The following MRTFA variants were observed in gnomAD, a reference collection of about 807,000 sequenced individuals.
MRTFA encodes myocardin-related transcription factor A.
Under a neutral mutation model 83.5 loss-of-function variants are expected in MRTFA, and 20 were observed. That is an observed-to-expected ratio of 0.24 (90% CI 0.17 to 0.35). The LOEUF (loss-of-function observed/expected upper bound fraction) is 0.35, where lower values mean the gene tolerates loss of function less well. Ranked by LOEUF, MRTFA falls within the 10% of genes least tolerant of loss-of-function variation. MRTFA has a pLI of 1.00. For missense variants in MRTFA, 1,200 were observed against 1,224.7 expected, an observed-to-expected ratio of 0.98 and a Z score of 0.30; for synonymous variants, 659 against 541.2, an observed-to-expected ratio of 1.22 and a Z score of -3.02.
intron 3 of MRTFA, among the ~76,000 whole-genome samples, chr22:40,474,316 T>C (rs1049718929): frequency 6.6e-6 from 1 of 152,226 alleles, no homozygotes; most frequent in African/African-American, 2.4e-5. Flanking sequence ...GAGAGAGCCC[T>C]GAACTCTCCA....
intron 3 of MRTFA, among the ~76,000 whole-genome samples, chr22:40,493,007 G>A (rs1188775561): frequency 6.6e-6 from 1 of 152,142 alleles, no homozygotes; most frequent in African/African-American, 2.4e-5. Flanking sequence ...TAATATATTG[G>A]CACAATAGTG....
Position 40,429,599 on chromosome 22 carries a change from T to A in MRTFA, c.601+7A>T. Reference sequence around the variant, plus strand: ...CCTCTCACACAGGGTGGCTGGGTCCTCCTCACCAATGATGGCTTCCTTCAG... The same window carrying A: ...CCTCTCACACAGGGTGGCTGGGTCCACCTCACCAATGATGGCTTCCTTCAG... On this transcript the variant is annotated splice_region_variant and intron_variant, in intron 7 of 14. Transcript: ENST00000355630. The A allele has an allele frequency of 6.2e-7, 1 of 1,614,116 alleles. No homozygotes were observed. The highest frequency in any genetic ancestry group is 8.5e-7 in the Non-Finnish European group (1 of 1,180,024).
intron 3 of MRTFA, among the ~76,000 whole-genome samples, chr22:40,542,289 T>A (rs1047697136): frequency 6.6e-6 from 1 of 152,230 alleles, no homozygotes; most frequent in African/African-American, 2.4e-5. Flanking sequence ...TCTGCTTAAA[T>A]GTCTCTTCCT....
intron 3 of MRTFA, among the ~76,000 whole-genome samples, chr22:40,481,330 A>C (rs2054086732): frequency 1.3e-5 from 2 of 152,248 alleles, no homozygotes; most frequent in South Asian, 4.1e-4. Flanking sequence ...GAAGATTGTC[A>C]GTTGGCTCGT....
At chr22:40,596,537 C>T (rs566049800) in intron 1 of MRTFA, among the ~76,000 whole-genome samples, 10 of 152,254 alleles carry the variant, frequency 6.6e-5, no homozygotes, top group African/African-American at 2.4e-4. Context: ...CGCAGTGACT[C>T]ACGCCTGTAA....
intron 6 of MRTFA, among the ~76,000 whole-genome samples, chr22:40,430,439 G>C (rs1478982078): frequency 1.3e-5 from 2 of 151,958 alleles, no homozygotes; most frequent in African/African-American, 4.8e-5. Flanking sequence ...AGTGAGCCGA[G>C]ACTGTGCCAC....
chr22:40,587,597 C>T (rs2056050672), intron 2 of MRTFA: 2 of 304,080 alleles, frequency 6.6e-6, no homozygotes, highest in Non-Finnish European at 1.3e-5. Flanking sequence ...ATGACCAGCA[C>T]TGGTAAGGCA....
At position 40,410,630 on chromosome 22, in the gene MRTFA, C is replaced by T. The variant is rs942725275; in HGVS notation, c.*760G>A. ...TGGGGCATAGGCCGTGGCAGGGTAC[C>T]TACATGTCAATCACACGTGATGGGT... On this transcript the variant is annotated 3_prime_UTR_variant, in exon 15 of 15. Coordinates refer to ENST00000355630, the MANE Select transcript of MRTFA (RefSeq NM_020831.6). The T allele has an allele frequency of 2.6e-5, 6 of 233,358 alleles. No individual in the cohort carries two copies. The highest frequency in any genetic ancestry group is 5.6e-5 in the Admixed American group (1 of 17,772). 14.5% of individuals were successfully genotyped at this position (233,358 alleles called of 1,614,324 possible).
At chr22:40,560,637 A>G (rs1005576472) in intron 2 of MRTFA, among the ~76,000 whole-genome samples, 1 of 152,190 alleles carries the variant, frequency 6.6e-6, no homozygotes, top group Non-Finnish European at 1.5e-5. Context: ...ACTGAGTCTA[A>G]GTTCATACTT....
At chr22:40,612,272 ACT>A (rs1341026262) in intron 1 of MRTFA, among the ~76,000 whole-genome samples, 4 of 152,188 alleles carry the variant, frequency 2.6e-5, no homozygotes, top group African/African-American at 4.8e-5. Context: ...AAAAAAATTA[ACT>A]CTCTAAAATG....
At chr22:40,589,455 T>G (rs1278335190) in intron 2 of MRTFA, among the ~76,000 whole-genome samples, 1 of 152,188 alleles carries the variant, frequency 6.6e-6, no homozygotes, top group Non-Finnish European at 1.5e-5. Context: ...GTTAAGTAAC[T>G]GCTGAGCCAG....
intron 2 of MRTFA, among the ~76,000 whole-genome samples, chr22:40,570,471 G>A (rs1424308671): frequency 5.3e-5 from 8 of 150,892 alleles, no homozygotes; most frequent in African/African-American, 7.3e-5. Context: ...CCAGCTACTC[G>A]GGAGGCTGAG....
chr22:40,502,328 C>T (rs1358582417), intron 3 of MRTFA, among the ~76,000 whole-genome samples: 34 of 121,284 alleles, frequency 2.8e-4, no homozygotes, highest in Admixed American at 2.6e-3. Flanking sequence ...GGCAGAGGGT[C>T]TCCTCACTTC....
chr22:40,414,341 GAAA>G (rs923025656), intron 14 of MRTFA, among the ~76,000 whole-genome samples: 1 of 150,898 alleles, frequency 6.6e-6, no homozygotes, highest in African/African-American at 2.4e-5. Flanking sequence ...CGTCTCCAAG[GAAA>G]AAAAAAGAAG....
chr22:40,426,742 G>A (rs1169435738), intron 7 of MRTFA, among the ~76,000 whole-genome samples: 1 of 152,134 alleles, frequency 6.6e-6, no homozygotes, highest in Non-Finnish European at 1.5e-5. Context: ...CCTGAGAGAA[G>A]TCCCTCTGCT....
chr22:40,576,737 A>T (rs1378342079), intron 2 of MRTFA, among the ~76,000 whole-genome samples: 1 of 152,180 alleles, frequency 6.6e-6, no homozygotes, highest in East Asian at 1.9e-4. Context: ...TAGTAGGAAA[A>T]ACCTCCAATA....
intron 3 of MRTFA, among the ~76,000 whole-genome samples, chr22:40,470,249 A>ATATATATATATATATATG: frequency 2.0e-5 from 1 of 49,732 alleles, no homozygotes; most frequent in East Asian, 9.7e-4. Flanking sequence ...ATATATATAT[A>ATATATATATATATATATG]TATATATATA....
chr22:40,595,454 C>G (rs564664844), intron 1 of MRTFA, among the ~76,000 whole-genome samples: 1 of 152,220 alleles, frequency 6.6e-6, no homozygotes, highest in South Asian at 2.1e-4. Context: ...TAGGCAATCT[C>G]TACCACCGTA....
chr22:40,495,631 C>G (rs910727420), intron 3 of MRTFA, among the ~76,000 whole-genome samples: 1 of 150,686 alleles, frequency 6.6e-6, no homozygotes, highest in African/African-American at 2.4e-5. Flanking sequence ...TGGTGGCGGT[C>G]GCCTGTAATC....
Sources: gnomAD v4.1 joint callset for allele counts (sites outside exome capture counted in the v4.1 genomes callset) on GRCh38, gnomAD v4.1.1 for gene constraint, MANE v1.5 for transcripts, NCBI Gene and HGNC (gene_info 2026-07-23, HGNC 2026-07-21) for gene names.